The following CLSTN2 variants were observed in gnomAD, a reference collection of about 807,000 sequenced individuals.
CLSTN2 encodes the protein calsyntenin-2.
Under a neutral mutation model 101.2 loss-of-function variants are expected in CLSTN2, and 48 were observed. That is an observed-to-expected ratio of 0.47 (90% confidence interval 0.38 to 0.60). The LOEUF (loss-of-function observed/expected upper bound fraction) is 0.60. CLSTN2 is among the 20% of genes least tolerant of loss of function. The pLI, the probability that CLSTN2 is intolerant of heterozygous loss-of-function variation, is 0.00. For missense variants in CLSTN2, 1,160 were observed against 1,238.2 expected, an observed-to-expected ratio of 0.94 and a Z score of 0.95; for synonymous variants, 481 against 463.6, an observed-to-expected ratio of 1.04 and a Z score of -0.48.
intron 8 of CLSTN2, among the ~76,000 whole-genome samples, chr3:140,491,689 C>G (rs139842006): frequency 6.6e-6 from 1 of 152,024 alleles, no homozygotes; most frequent in Non-Finnish European, 1.5e-5. Context: ...AGACATGGTG[C>G]TACACATCTA....
intron 1 of CLSTN2, among the ~76,000 whole-genome samples, chr3:140,140,763 A>T (rs537036619): frequency 1.3e-5 from 2 of 152,342 alleles, no homozygotes; most frequent in African/African-American, 4.8e-5. Context: ...TTAAAGTGGC[A>T]AAGTCAGGAT....
At chr3:140,216,316 A>G (rs1379798258) in intron 2 of CLSTN2, among the ~76,000 whole-genome samples, 1 of 152,158 alleles carries the variant, frequency 6.6e-6, no homozygotes, top group Non-Finnish European at 1.5e-5. Context: ...TTAGAGAAGC[A>G]GAAGGGATGA....
At chr3:140,337,235 T>A (rs2087452782) in intron 2 of CLSTN2, among the ~76,000 whole-genome samples, 1 of 152,210 alleles carries the variant, frequency 6.6e-6, no homozygotes, top group South Asian at 2.1e-4. Context: ...ATTCATTGGC[T>A]CTTGAGCCTG....
chr3:140,373,069 A>C (rs1379925714), intron 2 of CLSTN2, among the ~76,000 whole-genome samples: 7 of 152,226 alleles, frequency 4.6e-5, no homozygotes, highest in Admixed American at 4.6e-4. Flanking sequence ...CCCTGCCTCT[A>C]AAGTTAATAA....
chr3:140,144,932 A>G (rs1171932264), intron 1 of CLSTN2, among the ~76,000 whole-genome samples: 1 of 152,208 alleles, frequency 6.6e-6, no homozygotes, highest in Non-Finnish European at 1.5e-5. Flanking sequence ...ATTTCAACTC[A>G]TATCTTTTGT....
intron 2 of CLSTN2, among the ~76,000 whole-genome samples, chr3:140,342,351 A>G (rs981660253): frequency 1.3e-5 from 2 of 152,148 alleles, no homozygotes; most frequent in African/African-American, 4.8e-5. Context: ...GGGGGACAAA[A>G]TCGCTCTCAC....
chr3:140,403,288 G>T (rs1559859697), intron 2 of CLSTN2, among the ~76,000 whole-genome samples: 5 of 152,298 alleles, frequency 3.3e-5, no homozygotes, highest in Non-Finnish European at 1.5e-5. Context: ...ATGGAGAAGT[G>T]GGGGAGGTAG....
intron 2 of CLSTN2, among the ~76,000 whole-genome samples, chr3:140,211,441 A>T (rs1242003455): frequency 3.1e-5 from 3 of 96,598 alleles, no homozygotes; most frequent in African/African-American, 9.1e-5. Flanking sequence ...ATATATATAT[A>T]TTATTTATCA....
chr3:140,252,302 T>G (rs2086571123), intron 2 of CLSTN2, among the ~76,000 whole-genome samples: 1 of 152,154 alleles, frequency 6.6e-6, no homozygotes, highest in South Asian at 2.1e-4. Context: ...ATTCCAATCC[T>G]ACATAAAGAT....
intron 2 of CLSTN2, among the ~76,000 whole-genome samples, chr3:140,327,515 A>G (rs562895207): frequency 6.6e-6 from 1 of 152,196 alleles, no homozygotes; most frequent in Admixed American, 6.5e-5. Context: ...GACCTTCCTC[A>G]TATCTCTCCT....
intron 4 of CLSTN2, among the ~76,000 whole-genome samples, chr3:140,412,881 G>A (rs2088380857): frequency 6.6e-6 from 1 of 152,088 alleles, no homozygotes; most frequent in Admixed American, 6.5e-5. Flanking sequence ...TCGGATGTAG[G>A]AAAGGCCATT....
chr3:139,941,072 A>G (rs1277157090), intron 1 of CLSTN2, among the ~76,000 whole-genome samples: 1 of 152,170 alleles, frequency 6.6e-6, no homozygotes, highest in Non-Finnish European at 1.5e-5. Flanking sequence ...ACATGTTTAT[A>G]TGGAATGGGG....
intron 1 of CLSTN2, among the ~76,000 whole-genome samples, chr3:140,041,541 C>T (rs2007761900): frequency 6.6e-6 from 1 of 152,132 alleles, no homozygotes; most frequent in Non-Finnish European, 1.5e-5. Context: ...CAGAGCTGGG[C>T]CTCTCCATGC....
intron 2 of CLSTN2, among the ~76,000 whole-genome samples, chr3:140,247,613 C>G (rs1251048646): frequency 6.6e-6 from 1 of 152,190 alleles, no homozygotes; most frequent in African/African-American, 2.4e-5. Context: ...TGCTGCAGTT[C>G]TGTCCCCTGA....
intron 1 of CLSTN2, among the ~76,000 whole-genome samples, chr3:140,034,634 G>A (rs1341840786): frequency 1.3e-5 from 2 of 152,346 alleles, no homozygotes; most frequent in Non-Finnish European, 2.9e-5. Context: ...ATCTTCTTCA[G>A]TTGGAATTCC....
chr3:140,240,598 T>C (rs1170268246), intron 2 of CLSTN2, among the ~76,000 whole-genome samples: 1 of 152,026 alleles, frequency 6.6e-6, no homozygotes, highest in Non-Finnish European at 1.5e-5. Context: ...AGGTGTAAAG[T>C]GATACACAGA....
chr3:140,548,991 T>TC (rs1935658182), intron 10 of CLSTN2, among the ~76,000 whole-genome samples: 1 of 147,434 alleles, frequency 6.8e-6, no homozygotes, highest in South Asian at 2.3e-4. Flanking sequence ...TTGCTCTCAA[T>TC]AGCTAATCAC....
At chr3:140,484,014 G>C (rs1294870958) in intron 8 of CLSTN2, among the ~76,000 whole-genome samples, 15 of 152,168 alleles carry the variant, frequency 9.9e-5, no homozygotes, top group Admixed American at 5.2e-4. Flanking sequence ...TATGATGTTA[G>C]CTGGTTATTT....
chr3:140,233,802 A>G (rs1652063416), intron 2 of CLSTN2, among the ~76,000 whole-genome samples: 1 of 152,132 alleles, frequency 6.6e-6, no homozygotes, highest in Non-Finnish European at 1.5e-5. Flanking sequence ...CTCCTTCCAC[A>G]ATCCCTCTTC....
Sources: gnomAD v4.1 joint callset for allele counts (sites outside exome capture counted in the v4.1 genomes callset) on GRCh38, gnomAD v4.1.1 for gene constraint, MANE v1.5 for transcripts, NCBI Gene and HGNC (gene_info 2026-07-23, HGNC 2026-07-21) for gene names.